The following NLRP14 variants were observed in gnomAD, a reference collection of about 807,000 sequenced individuals.
NLRP14 encodes NLR family pyrin domain containing 14, also known as NACHT, LRR and PYD domains-containing protein 14.
A neutral mutation model predicts 94.7 loss-of-function variants in NLRP14; 105 were observed. The ratio of observed to expected loss-of-function variants is 1.11; its 90% confidence interval spans 0.95 to 1.30. The LOEUF is 1.30. Among genes scored for constraint, NLRP14 ranks in the 50% most tolerant of loss-of-function variants. NLRP14 has a pLI of 0.00. For synonymous variants in NLRP14, 508 were observed against 459.9 expected (o/e 1.10, Z -1.34); for missense variants, 1,362 against 1,254.1 (o/e 1.09, Z -1.30).
At chr11:7,090,078 A>T in the NLRP14 span, 5 of 1,611,502 alleles carry the variant, frequency 3.1e-6, no homozygotes, top group Admixed American at 5.0e-5. Flanking sequence ...CGATGCCTAC[A>T]GCGGCGGCCG....
the NLRP14 span, among the ~76,000 whole-genome samples, chr11:7,078,425 G>A: frequency 8.0e-5 from 7 of 87,534 alleles, no homozygotes; most frequent in South Asian, 5.0e-4. Flanking sequence ...ACGAAAGAGC[G>A]AGACTCTGTC....
At chr11:7,056,137 T>C (rs1852511660) in intron 6 of NLRP14, among the ~76,000 whole-genome samples, 1 of 151,952 alleles carries the variant, frequency 6.6e-6, no homozygotes, top group Non-Finnish European at 1.5e-5. Flanking sequence ...ACTTTATACA[T>C]GTGAGAGGAG....
chr11:7,085,950 A>G, the NLRP14 span, among the ~76,000 whole-genome samples: 1 of 152,168 alleles, frequency 6.6e-6, no homozygotes, highest in Non-Finnish European at 1.5e-5. Context: ...TTAATCTGTC[A>G]ATGGACACTT....
intron 10 of NLRP14, among the ~76,000 whole-genome samples, chr11:7,066,382 C>G (rs1852707505): frequency 1.3e-5 from 2 of 152,166 alleles, no homozygotes; most frequent in African/African-American, 4.8e-5. Flanking sequence ...TGTTTCTTGA[C>G]TTTTTAATGA....
At chr11:7,074,301 A>G (rs1161186119), downstream of NLRP14, among the ~76,000 whole-genome samples, 1 of 152,254 alleles carries the variant, frequency 6.6e-6, no homozygotes, top group Non-Finnish European at 1.5e-5. Flanking sequence ...CACATTTGGC[A>G]TAGGTGATAC....
chr11:7,074,091 C>T (rs10769764), downstream of NLRP14, among the ~76,000 whole-genome samples: 94,139 of 152,008 alleles, frequency 0.62, 29,512 homozygotes, highest in East Asian at 0.78. Context: ...AAAACACTTA[C>T]TGCTTCAAAT....
chr11:7,043,805 G>T lies in NLRP14; in HGVS notation c.1779G>T (p.Ala593=). The change falls in exon 4 of 12, where the codon GCG becomes GCT. Residue 593 remains alanine, a synonymous_variant. Coordinates refer to ENST00000299481, the MANE Select transcript of NLRP14 (RefSeq NM_176822.4). ...GTCTGTATGAGACTCAAGATAAAGC[G>T]TTTATAAGCCAGGCAATGAGATGTT... is the stretch of plus-strand genomic sequence containing the variant. The part of the protein sequence containing the change: ...FHCLYETQDK[A]FISQAMRCFP... 4 of 1,614,150 alleles carry T rather than the reference G, an allele frequency of 2.5e-6. No homozygotes were observed. Among genetic ancestry groups the T allele is most frequent in the Non-Finnish European group, 3.4e-6 (4 of 1,180,014 alleles).
At chr11:7,037,959 G>T (rs2119595909) in intron 1 of NLRP14, among the ~76,000 whole-genome samples, 1 of 152,310 alleles carries the variant, frequency 6.6e-6, no homozygotes. Context: ...AAAGGAGCTT[G>T]TGTACTACAA....
At chr11:7,058,185 T>C (rs1371306715) in intron 7 of NLRP14, 95 bp from the exon 8 acceptor site, 3 of 978,676 alleles carry the variant, frequency 3.1e-6, no homozygotes, top group African/African-American at 1.6e-5. Flanking sequence ...AGTTGAGGTA[T>C]GGGGGTTATA....
At chr11:7,055,378 TTTCTAA>T (rs1207095346) in intron 6 of NLRP14, among the ~76,000 whole-genome samples, 1 of 152,132 alleles carries the variant, frequency 6.6e-6, no homozygotes, top group African/African-American at 2.4e-5. Context: ...TATCTCTCAA[TTTCTAA>T]TTCATATCAG....
chr11:7,028,980 C>T (rs1852053912), intron 1 of NLRP14, among the ~76,000 whole-genome samples: 1 of 151,960 alleles, frequency 6.6e-6, no homozygotes, highest in Admixed American at 6.5e-5. Context: ...AAAAGAGTAA[C>T]TCAAATTTTG....
At chr11:7,054,826 T>C (rs753646191) in intron 6 of NLRP14, among the ~76,000 whole-genome samples, 5 of 152,190 alleles carry the variant, frequency 3.3e-5, no homozygotes, top group Non-Finnish European at 5.9e-5. Flanking sequence ...CATTTGTCCA[T>C]TTTTGCTTTG....
chr11:7,049,934 A>G, intron 6 of NLRP14, 96 bp downstream of exon 6: 1 of 1,044,024 alleles, frequency 9.6e-7, no homozygotes, highest in Non-Finnish European at 1.5e-6. Context: ...TATTCATAGG[A>G]CCGGCTTAAA....
intron 8 of NLRP14, among the ~76,000 whole-genome samples, chr11:7,059,035 G>T (rs1035227851): frequency 2.0e-5 from 3 of 151,684 alleles, no homozygotes; most frequent in Non-Finnish European, 2.9e-5. Flanking sequence ...CAATCTTTTT[G>T]ATCTGTATTA....
chr11:7,052,545 A>C (rs140166388), intron 6 of NLRP14, among the ~76,000 whole-genome samples: 4,715 of 152,254 alleles, frequency 0.031, 98 homozygotes, highest in Middle Eastern at 0.068. Context: ...AGACAGGAGA[A>C]TTGCTTGAAA....
At chr11:7,089,106 G>T in the NLRP14 span, 6 of 1,611,278 alleles carry the variant, frequency 3.7e-6, no homozygotes, top group Non-Finnish European at 4.2e-6. Context: ...CTGACCGACC[G>T]TTCGACCGGC....
At chr11:7,090,017 G>A in the NLRP14 span, 9 of 1,613,030 alleles carry the variant, frequency 5.6e-6, no homozygotes, top group South Asian at 7.7e-5. Flanking sequence ...GGGGGACACC[G>A]CCATCTTACG....
At chr11:7,040,619 A>C (rs1392331498) in intron 3 of NLRP14, among the ~76,000 whole-genome samples, 1 of 152,198 alleles carries the variant, frequency 6.6e-6, no homozygotes, top group East Asian at 1.9e-4. Flanking sequence ...TACATAATTT[A>C]ATTCCAATTT....
intron 10 of NLRP14, among the ~76,000 whole-genome samples, chr11:7,064,647 G>A (rs558591440): frequency 5.9e-5 from 9 of 152,160 alleles, no homozygotes; most frequent in Non-Finnish European, 1.2e-4. Flanking sequence ...ACAAATGGGA[G>A]AGAGAGAAAA....
Sources: allele counts gnomAD v4.1 joint callset (sites outside exome capture counted in the v4.1 genomes callset), GRCh38; gene constraint gnomAD v4.1.1; transcripts MANE v1.5; gene names NCBI Gene and HGNC (gene_info 2026-07-23, HGNC 2026-07-21).